Variants in CLYBL observed in about 807,000 individuals in gnomAD.
The protein encoded by CLYBL is citramalyl-CoA lyase.
CLYBL carries 31 observed loss-of-function variants against 38.9 expected under a neutral mutation model. The observed-to-expected ratio is 0.80, with a 90% CI of 0.60 to 1.08. The LOEUF (loss-of-function observed/expected upper bound fraction) is 1.08. Among genes scored for constraint, CLYBL ranks in the 50% least tolerant of loss-of-function variants. CLYBL has a pLI of 0.00. For synonymous variants in CLYBL, 171 were observed against 158.6 expected, an observed-to-expected ratio of 1.08 and a Z score of -0.59; for missense variants, 434 against 411.6, an observed-to-expected ratio of 1.05 and a Z score of -0.47.
rs77479393 is a variant in CLYBL, at chr13:99,671,793, A to T, written c.62+65036A>T. ...AGACTCTTTCTCAAAAAAAAAAAAAAAATAATAAAAGCTACTGCAAAAGTC... is the reference window on the plus strand; with the variant it reads ...AGACTCTTTCTCAAAAAAAAAAAAATAATAATAAAAGCTACTGCAAAAGTC... On this transcript the variant is annotated intron_variant, in intron 1 of 8. Transcript: ENST00000339105. Among the ~76,000 whole-genome samples the T allele has an allele frequency of 3.8e-3, 490 of 129,156 alleles. 3 individuals carry two copies. The highest frequency in any genetic ancestry group is 0.015 in the Middle Eastern group (4 of 270). 84.7% of individuals were successfully genotyped at this position (129,156 alleles called of 152,430 possible).
At chr13:99,670,167 C>G (rs896074280) in intron 1 of CLYBL, among the ~76,000 whole-genome samples, 19 of 152,112 alleles carry the variant, frequency 1.2e-4, no homozygotes, top group African/African-American at 4.6e-4. Context: ...CCACTGCACT[C>G]CAGCCTGGGT....
intron 1 of CLYBL, among the ~76,000 whole-genome samples, chr13:99,651,803 G>T (rs563486945): frequency 8.8e-5 from 13 of 147,400 alleles, no homozygotes; most frequent in Non-Finnish European, 9.0e-5. Context: ...CTGGTGGCAC[G>T]TGCCTGTAAT....
At chr13:99,853,591 C>T (rs1594223995) in intron 2 of CLYBL, among the ~76,000 whole-genome samples, 2 of 152,208 alleles carry the variant, frequency 1.3e-5, no homozygotes, top group Admixed American at 1.3e-4. Flanking sequence ...ACTCAACACT[C>T]ACCTTGCCTG....
chr13:99,678,391 C>G (rs1464106639), intron 1 of CLYBL, among the ~76,000 whole-genome samples: 1 of 152,204 alleles, frequency 6.6e-6, no homozygotes, highest in East Asian at 1.9e-4. Context: ...TGTCACTTCT[C>G]ACCATGCCTT....
intron 1 of CLYBL, among the ~76,000 whole-genome samples, chr13:99,671,219 A>T (rs2047560495): frequency 6.6e-6 from 1 of 152,244 alleles, no homozygotes. Flanking sequence ...ACCCCCTGCC[A>T]TGATTCTCTC....
At position 99,844,033 on chromosome 13, in the gene CLYBL, C is replaced by T. The variant is rs376967160; in HGVS notation, c.250-14828C>T. Among the ~76,000 whole-genome samples the T allele has an allele frequency of 5.3e-5, 8 of 152,328 alleles. 1 individual carries two copies. The South Asian group carries it at 1.2e-3, about 24-fold the overall frequency. On this transcript the variant is annotated intron_variant, in intron 2 of 8. Transcript: ENST00000339105. ...CTGCCTGTGGCTGAGTAAAAAAGGC[C>T]GGTGACAGAATGCATGTGCAGTGTG...
At chr13:99,699,111 C>A (rs980236470) in intron 1 of CLYBL, among the ~76,000 whole-genome samples, 1 of 152,068 alleles carries the variant, frequency 6.6e-6, no homozygotes, top group Admixed American at 6.6e-5. Context: ...CTGGGACTGG[C>A]GCAGTGGCTC....
At chr13:99,728,559 T>G (rs576039975) in intron 1 of CLYBL, among the ~76,000 whole-genome samples, 3 of 151,960 alleles carry the variant, frequency 2.0e-5, no homozygotes, top group Admixed American at 6.5e-5. Context: ...ATTACAGGTA[T>G]GAGCCAACTT....
chr13:99,703,472 C>T (rs925007162), intron 1 of CLYBL, among the ~76,000 whole-genome samples: 2 of 152,098 alleles, frequency 1.3e-5, no homozygotes. Flanking sequence ...CAGGTTCAAG[C>T]GATTCTCCTG....
intron 1 of CLYBL, among the ~76,000 whole-genome samples, chr13:99,716,782 CTTTTCTTTTTTTTTT>C (rs1333234001): frequency 7.8e-6 from 1 of 128,344 alleles, no homozygotes; most frequent in Non-Finnish European, 1.7e-5. Flanking sequence ...AATTTCTTTT[CTTTTCTTTTTTTTTT>C]TTTTTTTTTT....
At chr13:99,741,894 T>C (rs1219799176) in intron 1 of CLYBL, among the ~76,000 whole-genome samples, 2 of 152,242 alleles carry the variant, frequency 1.3e-5, no homozygotes, top group Non-Finnish European at 2.9e-5. Context: ...GAAACATTAT[T>C]GTTCCATTCT....
chr13:99,657,517 G>GA (rs1175650277), intron 1 of CLYBL, among the ~76,000 whole-genome samples: 1 of 152,028 alleles, frequency 6.6e-6, no homozygotes, highest in Non-Finnish European at 1.5e-5. Context: ...ATTCAGATTT[G>GA]GGGCTTTTTA....
At chr13:99,733,773 C>T (rs921946721) in intron 1 of CLYBL, among the ~76,000 whole-genome samples, 6 of 152,220 alleles carry the variant, frequency 3.9e-5, no homozygotes, top group East Asian at 3.8e-4. Flanking sequence ...ATGGCAAGGA[C>T]GCTTCACCTA....
intron 8 of CLYBL, among the ~76,000 whole-genome samples, chr13:99,903,482 C>A (rs1294537209): frequency 6.6e-6 from 1 of 152,202 alleles, no homozygotes; most frequent in Non-Finnish European, 1.5e-5. Flanking sequence ...AAGTCAGTAT[C>A]TCTATTTCTT....
chr13:99,666,389 G>C (rs1171611113), intron 1 of CLYBL, among the ~76,000 whole-genome samples: 3 of 152,162 alleles, frequency 2.0e-5, no homozygotes, highest in African/African-American at 7.2e-5. Context: ...CGGTGGGTGT[G>C]CCCCAGGAGC....
At chr13:99,743,857 C>G (rs2048799196) in intron 1 of CLYBL, among the ~76,000 whole-genome samples, 1 of 151,832 alleles carries the variant, frequency 6.6e-6, no homozygotes, top group African/African-American at 2.4e-5. Context: ...TATCGCTTTC[C>G]TGCGCCTTTG....
chr13:99,771,118 C>CATCGACCT (rs2049385659), intron 1 of CLYBL, among the ~76,000 whole-genome samples: 1 of 148,132 alleles, frequency 6.8e-6, no homozygotes, highest in African/African-American at 2.5e-5. Context: ...ATTGCAACCT[C>CATCGACCT]ATCGACCTTC....
rs547275912 is a variant in CLYBL, at chr13:99,793,074, C to T, written c.249+20064C>T. On this transcript the variant is annotated intron_variant, in intron 2 of 8. Coordinates refer to ENST00000339105, the MANE Select transcript of CLYBL (RefSeq NM_206808.5). ...CACACACACACACACACACAAAGTA[C>T]GTAGACCTTAAAGCCCCATTTATGC... 7.6e-5 allele frequency among the ~76,000 whole-genome samples: 10 copies of T among 132,346 alleles called. No homozygotes were observed. In the East Asian group the frequency reaches 9.7e-4, roughly 13 times the overall value. The allele number at this position is 132,346 out of a possible 152,430, so 86.8% of individuals were successfully genotyped here.
chr13:99,697,096 T>C lies in CLYBL; in HGVS notation c.63-75728T>C, dbSNP rs138645384. On this transcript the variant is annotated intron_variant, in intron 1 of 8. Coordinates refer to ENST00000339105, the MANE Select transcript of CLYBL (RefSeq NM_206808.5). ...CTTCTTTATTATTGTGGGGTCTTAG[T>C]TGATATTTGGGGTGTATGACATTAC... is the stretch of plus-strand genomic sequence containing the variant. Among the ~76,000 whole-genome samples the C allele has an allele frequency of 1.7e-4, 26 of 152,320 alleles. No individual in the cohort carries two copies. The East Asian group carries it at 4.4e-3, about 26-fold the overall frequency.
Sources: gnomAD v4.1 joint callset for allele counts (sites outside exome capture counted in the v4.1 genomes callset) on GRCh38, gnomAD v4.1.1 for gene constraint, MANE v1.5 for transcripts, NCBI Gene and HGNC (gene_info 2026-07-23, HGNC 2026-07-21) for gene names.